Variants in TCEAL4 observed in about 807,000 individuals in gnomAD.
The protein encoded by TCEAL4 is transcription elongation factor A protein-like 4.
A neutral mutation model predicts 1.3 loss-of-function variants in TCEAL4; 1 was observed. That is an observed-to-expected ratio of 0.79 (90% CI 0.28 to 3.76). The LOEUF (loss-of-function observed/expected upper bound fraction) is 3.76, where lower values mean the gene tolerates loss of function less well. Ranked by LOEUF, TCEAL4 falls within the 30% of genes most tolerant of loss-of-function variation. The pLI, the probability that TCEAL4 is intolerant of heterozygous loss-of-function variation, is 0.18. For synonymous variants in TCEAL4, 54 were observed against 50.7 expected (o/e 1.06, Z -0.28); for missense variants, 129 against 154.7 (o/e 0.83, Z 0.88).
At chrX:103,577,755 C>A (rs1445889226) in intron 2 of TCEAL4, among the ~76,000 whole-genome samples, 1 of 111,469 alleles carries the variant, frequency 9.0e-6, no homozygotes, top group Non-Finnish European at 1.9e-5. Flanking sequence ...TAATTCAATC[C>A]ATTATAGTGA....
At chrX:103,584,922 G>C (rs1346707540), upstream of TCEAL4, among the ~76,000 whole-genome samples, 1 of 112,433 alleles carries the variant, frequency 8.9e-6, no homozygotes, top group Non-Finnish European at 1.9e-5. Context: ...GGCCAGAAAG[G>C]CTAGCAAATT....
At position 103,587,557 on chromosome X, in the gene TCEAL4, A is replaced by C. The variant is rs976417200; in HGVS notation, c.*234A>C. ...TACATTTTTGTAAAACTACAAAGAT[A>C]CTTACCTAGTAATATAGTATAGAAA... On this transcript the variant is annotated 3_prime_UTR_variant, in exon 3 of 3. Coordinates refer to ENST00000472484, the MANE Select transcript of TCEAL4 (RefSeq NM_001006935.3). 3 of 327,091 alleles carry C rather than the reference A, an allele frequency of 9.2e-6. No individual in the cohort carries two copies. The highest frequency in any genetic ancestry group is 1.6e-5 in the Non-Finnish European group (3 of 185,536). 27.0% of individuals were successfully genotyped at this position (327,091 alleles called of 1,213,427 possible).
At chrX:103,586,472 G>A (rs943769936) in intron 2 of TCEAL4, 177 bp from the exon 3 acceptor site, 3 of 804,947 alleles carry the variant, frequency 3.7e-6, no homozygotes, top group African/African-American at 4.2e-5. Flanking sequence ...GCTCACGTGT[G>A]TGGGAGGAGT....
At chrX:103,581,692 T>C (rs182698120), upstream of TCEAL4, among the ~76,000 whole-genome samples, 1 of 111,754 alleles carries the variant, frequency 8.9e-6, no homozygotes, top group African/African-American at 3.3e-5. Context: ...AAATTCAGTA[T>C]CCCTTTATGT....
At chrX:103,585,267 AT>A (rs2073529588), upstream of TCEAL4, among the ~76,000 whole-genome samples, 1 of 110,593 alleles carries the variant, frequency 9.0e-6, no homozygotes, top group Admixed American at 9.6e-5. Context: ...GGTCTACGTT[AT>A]TTCAGTGGAA....
At chrX:103,580,573 C>A (rs754822497), upstream of TCEAL4, among the ~76,000 whole-genome samples, 5 of 111,270 alleles carry the variant, frequency 4.5e-5, no homozygotes, top group Admixed American at 9.5e-5. Flanking sequence ...TCTCCCACCT[C>A]AGCCTCCCAA....
upstream of TCEAL4, among the ~76,000 whole-genome samples, chrX:103,581,800 A>G (rs2073509515): frequency 4.5e-5 from 5 of 112,009 alleles, no homozygotes; most frequent in Admixed American, 3.8e-4. Context: ...TGAATGGGCA[A>G]AAGCTGGAGG....
chrX:103,585,507 C>A (rs1036248246), upstream of TCEAL4: 71 of 1,127,428 alleles, frequency 6.3e-5, no homozygotes, highest in Non-Finnish European at 8.0e-5. Context: ...GCGGCATTCA[C>A]GTGATCTGCA....
intron 2 of TCEAL4, chrX:103,577,344 G>A (rs2073488783): frequency 7.7e-6 from 6 of 775,611 alleles, no homozygotes; most frequent in Non-Finnish European, 9.1e-6. Flanking sequence ...CTAAAGAGTA[G>A]AATATTATGC....
At chrX:103,581,695 C>G (rs945222068), upstream of TCEAL4, among the ~76,000 whole-genome samples, 2 of 111,887 alleles carry the variant, frequency 1.8e-5, no homozygotes, top group African/African-American at 6.5e-5. Flanking sequence ...TTCAGTATCC[C>G]TTTATGTTAA....
At chrX:103,579,440 T>G (rs1435921033) in intron 2 of TCEAL4, among the ~76,000 whole-genome samples, 1 of 112,566 alleles carries the variant, frequency 8.9e-6, no homozygotes, top group Non-Finnish European at 1.9e-5. Context: ...AGGTATTCTT[T>G]TATTTCTTTC....
Position 103,587,423 on chromosome X carries a change from C to A in TCEAL4, c.*100C>A. ...TGCTAGCAGCCTTTTGACCTATCTG[C>A]AATGCAGTGTTCTCAGTAGGAAATG... On this transcript the variant is annotated 3_prime_UTR_variant, in exon 3 of 3. Transcript: ENST00000472484. The A allele has an allele frequency of 1.1e-6, 1 of 938,204 alleles. No homozygotes were observed. Among genetic ancestry groups the A allele is most frequent in the Non-Finnish European group, 1.4e-6 (1 of 699,577 alleles). 77.3% of individuals were successfully genotyped at this position (938,204 alleles called of 1,213,427 possible). A position where few individuals can be genotyped will look rare whatever the true frequency, so the allele number is the denominator to read the frequency against.
chrX:103,585,480 G>A, upstream of TCEAL4: 1 of 1,094,919 alleles, frequency 9.1e-7, no homozygotes, highest in Non-Finnish European at 1.2e-6. Context: ...GGCGTGGGGC[G>A]GTGGAACTCC....
At position 103,586,710 on chromosome X, in the gene TCEAL4, C is replaced by A. The variant is rs777326854; in HGVS notation, c.35C>A (p.Ala12Asp). ...CTCTACAGTGAAAATGAAGGAATGG[C>A]TTCAAACCAAGGAAAGATGGAAAAT... ...EKLYSENEGM[A>D]SNQGKMENEE... Residue 12 changes from alanine (A) to aspartate (D), a missense_variant, in exon 3 of 3, where the codon GCT becomes GAT. Transcript: ENST00000472484. The A allele has an allele frequency of 8.3e-7, 1 of 1,211,584 alleles. No individual in the cohort carries two copies. The highest frequency in any genetic ancestry group is 1.7e-5 in the African/African-American group (1 of 57,763).
chrX:103,586,533 G>T, intron 2 of TCEAL4, 116 bp from the exon 3 acceptor site: 1 of 990,512 alleles, frequency 1.0e-6, no homozygotes, highest in Non-Finnish European at 1.4e-6. Flanking sequence ...GGCCAGCTTA[G>T]GGGAACCCTC....
chrX:103,585,951 C>G (rs919576804), intron 1 of TCEAL4: 2 of 1,076,484 alleles, frequency 1.9e-6, no homozygotes, highest in African/African-American at 3.8e-5. Flanking sequence ...TAAACCCCAT[C>G]TGCCGTTCCC....
upstream of TCEAL4, among the ~76,000 whole-genome samples, chrX:103,581,331 T>C (rs983004370): frequency 3.6e-5 from 4 of 111,292 alleles, no homozygotes; most frequent in Non-Finnish European, 5.7e-5. Context: ...GCTGGGATAG[T>C]TTCTATTGAA....
chrX:103,583,988 C>T (rs1336474669), upstream of TCEAL4, among the ~76,000 whole-genome samples: 2 of 110,999 alleles, frequency 1.8e-5, no homozygotes, highest in South Asian at 3.9e-4. Flanking sequence ...AGTGCAATGG[C>T]GTGATCTCGG....
At chrX:103,586,191 C>T (rs762524963) in intron 1 of TCEAL4, 28 bp from the exon 2 acceptor site, 288 of 1,163,684 alleles carry the variant, frequency 2.5e-4, no homozygotes, top group Admixed American at 3.4e-4. Flanking sequence ...GCGCGCAGAC[C>T]CTGCCCCTGT....
Sources: allele counts gnomAD v4.1 joint callset (sites outside exome capture counted in the v4.1 genomes callset), GRCh38; gene constraint gnomAD v4.1.1; transcripts MANE v1.5; gene names NCBI Gene and HGNC (gene_info 2026-07-23, HGNC 2026-07-21).